Variants in HECW1 observed in about 807,000 individuals in gnomAD.
HECW1 encodes E3 ubiquitin-protein ligase HECW1.
HECW1 carries 61 observed loss-of-function variants against 182.3 expected under a neutral mutation model. The ratio of observed to expected loss-of-function variants is 0.33; its 90% confidence interval spans 0.27 to 0.41. The LOEUF (loss-of-function observed/expected upper bound fraction) is 0.41, where lower values mean the gene tolerates loss of function less well. Ranked by LOEUF, HECW1 falls within the 10% of genes least tolerant of loss-of-function variation. The pLI is 1.00. For synonymous variants in HECW1, 859 were observed against 832.6 expected, an observed-to-expected ratio of 1.03 and a Z score of -0.55; for missense variants, 1,739 against 2,108.9, an observed-to-expected ratio of 0.82 and a Z score of 3.44.
rs1166832893 is a variant in HECW1, at chr7:43,374,736, T to C, written c.555+13756T>C. On this transcript the variant is annotated intron_variant, in intron 6 of 29. Transcript: ENST00000395891. ...TTGCAGTGAGCCGAGATCCCGCCAC[T>C]GCACTCCAGCCTGGGCGACAGAGCT... Among the ~76,000 whole-genome samples the C allele has an allele frequency of 7.3e-5, 3 of 41,104 alleles. 1 individual carries two copies. The African/African-American group carries it at 8.1e-4, about 11-fold the overall frequency. The allele number at this position is 41,104 out of a possible 152,430, so 27.0% of individuals were successfully genotyped here.
At chr7:43,548,404 C>T (rs913309088) in intron 26 of HECW1, among the ~76,000 whole-genome samples, 23 of 152,210 alleles carry the variant, frequency 1.5e-4, no homozygotes, top group African/African-American at 5.1e-4. Context: ...CCACGCTGCT[C>T]AAGGGTCAGC....
At chr7:43,414,148 T>C (rs1425945936) in intron 8 of HECW1, among the ~76,000 whole-genome samples, 19 of 149,136 alleles carry the variant, frequency 1.3e-4, no homozygotes, top group East Asian at 3.9e-4. Context: ...TGGTTTCTAG[T>C]TCTCCTTGAA....
At chr7:43,554,947 C>T (rs367832153) in intron 29 of HECW1, among the ~76,000 whole-genome samples, 157 bp downstream of exon 29, 1 of 152,184 alleles carries the variant, frequency 6.6e-6, no homozygotes, top group Non-Finnish European at 1.5e-5. Context: ...GGTGAGGTGG[C>T]TGTGAGACTT....
chr7:43,483,352 C>A (rs1240968267), intron 17 of HECW1, among the ~76,000 whole-genome samples: 2 of 151,910 alleles, frequency 1.3e-5, no homozygotes, highest in African/African-American at 4.8e-5. Flanking sequence ...TCAGGAGTGC[C>A]CCCAGTTCCC....
At chr7:43,429,101 A>G (rs1584878142) in intron 8 of HECW1, among the ~76,000 whole-genome samples, 1 of 150,018 alleles carries the variant, frequency 6.7e-6, no homozygotes, top group East Asian at 1.9e-4. Flanking sequence ...ATTCTACCAA[A>G]CCACAACTAA....
rs143897099 is a variant in HECW1 at position 43,162,331 on chromosome 7, A to G, written c.-32+47940A>G. 2.9e-3 allele frequency among the ~76,000 whole-genome samples: 447 copies of G among 152,246 alleles called. 4 individuals are homozygous for G. The highest frequency in any genetic ancestry group is 0.01 in the African/African-American group (419 of 41,536). On this transcript the variant is annotated intron_variant, in intron 2 of 29. Coordinates refer to ENST00000395891, the MANE Select transcript of HECW1 (RefSeq NM_015052.5). ...GAGATCCAGGCATTGGCAGGGCTGT[A>G]CTCCCTCACAAGGCTCCAGAGCCCA...
chr7:43,391,812 C>T (rs2075040909), intron 6 of HECW1, among the ~76,000 whole-genome samples: 1 of 152,208 alleles, frequency 6.6e-6, no homozygotes, highest in Non-Finnish European at 1.5e-5. Context: ...GTTTACTTAT[C>T]TACCATTTAC....
At chr7:43,537,913 G>A (rs2081234711) in intron 24 of HECW1, among the ~76,000 whole-genome samples, 1 of 152,074 alleles carries the variant, frequency 6.6e-6, no homozygotes, top group Admixed American at 6.5e-5. Flanking sequence ...ATTCTCTGTT[G>A]GCAGTCTGCG....
Position 43,483,417 on chromosome 7 carries a change from A to G in HECW1, c.3234+3673A>G, listed in dbSNP as rs193279169. Reference sequence around the variant, plus strand: ...AGCCCCCCAGCATTTCCACACACCCATAGATGGTAGCATTACCCCAGTGAA... The same window carrying G: ...AGCCCCCCAGCATTTCCACACACCCGTAGATGGTAGCATTACCCCAGTGAA... On this transcript the variant is annotated intron_variant, in intron 17 of 29. Transcript: ENST00000395891. Among the ~76,000 whole-genome samples the G allele has an allele frequency of 2.8e-3, 433 of 152,158 alleles. 2 individuals carry two copies. Among genetic ancestry groups the G allele is most frequent in the African/African-American group, 0.01 (416 of 41,508 alleles).
At chr7:43,474,104 A>T (rs1657141446) in intron 16 of HECW1, among the ~76,000 whole-genome samples, 1 of 152,218 alleles carries the variant, frequency 6.6e-6, no homozygotes, top group South Asian at 2.1e-4. Flanking sequence ...AGACAATAAC[A>T]GAAAAACCAG....
At chr7:43,147,195 C>T (rs1216368321) in intron 2 of HECW1, among the ~76,000 whole-genome samples, 1 of 151,998 alleles carries the variant, frequency 6.6e-6, no homozygotes, top group African/African-American at 2.4e-5. Context: ...TGTGCCTATT[C>T]TGATTTCTCT....
At chr7:43,158,271 T>C (rs1023711866) in intron 2 of HECW1, among the ~76,000 whole-genome samples, 3 of 152,174 alleles carry the variant, frequency 2.0e-5, no homozygotes, top group Admixed American at 2.0e-4. Context: ...AATTAAGATA[T>C]TGGGGAAACA....
chr7:43,425,337 G>GATAGATAT (rs2076329340), intron 8 of HECW1, among the ~76,000 whole-genome samples: 2 of 151,014 alleles, frequency 1.3e-5, no homozygotes, highest in Admixed American at 1.3e-4. Flanking sequence ...TAGATAGATA[G>GATAGATAT]ATAGATGCTT....
intron 5 of HECW1, among the ~76,000 whole-genome samples, chr7:43,321,061 T>A (rs1246531128): frequency 1.3e-5 from 2 of 152,258 alleles, no homozygotes; most frequent in East Asian, 3.9e-4. Flanking sequence ...TCCGGGGGCA[T>A]CTCCAATGTG....
At chr7:43,299,273 C>T (rs73111030) in intron 3 of HECW1, among the ~76,000 whole-genome samples, 7,039 of 152,264 alleles carry the variant, frequency 0.046, 194 homozygotes, top group African/African-American at 0.069. Context: ...AAAGATTCCA[C>T]GAGGCCGGAA....
At chr7:43,509,205 CTG>C in intron 24 of HECW1, 84 bp downstream of exon 24, 1 of 1,417,520 alleles carries the variant, frequency 7.1e-7, no homozygotes, top group Non-Finnish European at 9.8e-7. Flanking sequence ...TCAAAGGCCA[CTG>C]TGTTTAGAGC....
intron 6 of HECW1, among the ~76,000 whole-genome samples, chr7:43,375,830 C>A (rs141875722): frequency 1.4e-4 from 20 of 145,576 alleles, no homozygotes; most frequent in African/African-American, 5.1e-4. Flanking sequence ...GAGGTCAAGG[C>A]TGCAGTGAGC....
chr7:43,554,748 G>A lies in HECW1; in HGVS notation c.4667G>A (p.Arg1556His), dbSNP rs1286516969. Residue 1556 changes from arginine (R) to histidine (H), a missense_variant, in exon 29 of 30, where the codon CGC becomes CAC. Physicochemically the swap from Arg to His is conservative, Grantham distance 29. Coordinates refer to ENST00000395891, the MANE Select transcript of HECW1 (RefSeq NM_015052.5). ...CTCCGTGGGAGCAATGGGCTTCGGC[G>A]CTTCTGCATAGAGAAATGGGGGAAA... ...AALRGSNGLR[R>H]FCIEKWGKIT... is the part of the protein sequence containing the mutation. 4.3e-6 allele frequency: 7 copies of A among 1,614,082 alleles called. No individual in the cohort carries two copies. The highest frequency in any genetic ancestry group is 2.2e-5 in the East Asian group (1 of 44,880).
intron 2 of HECW1, among the ~76,000 whole-genome samples, chr7:43,200,680 T>C (rs1232940447): frequency 6.6e-6 from 1 of 152,238 alleles, no homozygotes; most frequent in Non-Finnish European, 1.5e-5. Flanking sequence ...GGCTCATTGC[T>C]CTGCTCTTAT....
Sources: gnomAD v4.1 joint callset for allele counts (sites outside exome capture counted in the v4.1 genomes callset) on GRCh38, gnomAD v4.1.1 for gene constraint, MANE v1.5 for transcripts, NCBI Gene and HGNC (gene_info 2026-07-23, HGNC 2026-07-21) for gene names.